Variants in NDST4 observed in about 807,000 individuals in gnomAD.
NDST4 encodes the protein N-deacetylase and N-sulfotransferase 4, also known as N-heparan sulfate sulfotransferase 4.
NDST4 carries 63 observed loss-of-function variants against 100.8 expected under a neutral mutation model. The ratio of observed to expected loss-of-function variants is 0.62; its 90% CI spans 0.51 to 0.77. The LOEUF is 0.77. Among genes scored for constraint, NDST4 ranks in the 30% least tolerant of loss-of-function variants. The pLI is 0.00. For synonymous variants in NDST4, 377 were observed against 361.8 expected, an observed-to-expected ratio of 1.04 and a Z score of -0.48; for missense variants, 943 against 1,018.4, an observed-to-expected ratio of 0.93 and a Z score of 1.01.
chr4:114,954,507 A>G (rs975351488), intron 4 of NDST4, among the ~76,000 whole-genome samples: 8 of 152,176 alleles, frequency 5.3e-5, no homozygotes, highest in African/African-American at 1.9e-4. Flanking sequence ...GAAGCAAGGA[A>G]AAGAGGAAAT....
chr4:114,928,224 G>A (rs769261528), intron 6 of NDST4, among the ~76,000 whole-genome samples: 1 of 152,202 alleles, frequency 6.6e-6, no homozygotes, highest in African/African-American at 2.4e-5. Context: ...GAATGGAACA[G>A]AGAAGCTGGC....
chr4:115,080,671 T>C (rs1729281873), intron 1 of NDST4, among the ~76,000 whole-genome samples: 1 of 150,922 alleles, frequency 6.6e-6, no homozygotes, highest in South Asian at 2.1e-4. Context: ...AAGATACATA[T>C]ATACATATAT....
At chr4:114,833,147 G>A (rs28420758) in intron 12 of NDST4, among the ~76,000 whole-genome samples, 4,682 of 152,218 alleles carry the variant, frequency 0.031, 247 homozygotes, top group African/African-American at 0.11. Context: ...AGCTGGAACA[G>A]TATACATGAT....
At chr4:114,865,659 C>T (rs1429612985) in intron 7 of NDST4, among the ~76,000 whole-genome samples, 1 of 151,872 alleles carries the variant, frequency 6.6e-6, no homozygotes, top group Non-Finnish European at 1.5e-5. Flanking sequence ...AAAGTATTGC[C>T]ACTTTATTTT....
chr4:115,070,849 A>C (rs182406432), intron 2 of NDST4, among the ~76,000 whole-genome samples: 38 of 152,278 alleles, frequency 2.5e-4, no homozygotes, highest in African/African-American at 8.9e-4. Context: ...TCATGCCTGT[A>C]ATCCCAGCAA....
intron 6 of NDST4, among the ~76,000 whole-genome samples, chr4:114,899,146 T>C (rs1724780667): frequency 6.6e-6 from 1 of 152,064 alleles, no homozygotes; most frequent in South Asian, 2.1e-4. Flanking sequence ...CAACATTAAG[T>C]ATGATGTTAG....
intron 6 of NDST4, among the ~76,000 whole-genome samples, chr4:114,876,155 A>G (rs1724250456): frequency 6.6e-6 from 1 of 152,174 alleles, no homozygotes. Context: ...GTTTTAGGGC[A>G]GCTTGCTTTG....
intron 2 of NDST4, among the ~76,000 whole-genome samples, chr4:114,978,470 C>G (rs17486843): frequency 0.051 from 7,682 of 151,942 alleles, 212 homozygotes; most frequent in Non-Finnish European, 0.066. Flanking sequence ...TTATCATGTT[C>G]AACATTATTA....
At chr4:114,848,470 A>T (rs1361984789) in intron 8 of NDST4, 132 bp from the exon 9 acceptor site, 2 of 668,736 alleles carry the variant, frequency 3.0e-6, no homozygotes, top group Admixed American at 3.2e-5. Flanking sequence ...CCTTAAAATC[A>T]ACTAGATGCA....
intron 10 of NDST4, among the ~76,000 whole-genome samples, chr4:114,841,418 GC>G (rs1723420582): frequency 1.3e-5 from 2 of 152,216 alleles, no homozygotes; most frequent in Middle Eastern, 6.8e-3. Context: ...GCAGTGTGGG[GC>G]CCTGCTCACT....
chr4:115,003,163 G>A (rs1442481265), intron 2 of NDST4, among the ~76,000 whole-genome samples: 1 of 152,080 alleles, frequency 6.6e-6, no homozygotes, highest in African/African-American at 2.4e-5. Flanking sequence ...AGGTTGATGG[G>A]TGCAGCAAAG....
In NDST4 at chr4:115,004,080, T is replaced by C. The variant is rs1353425824; in HGVS notation, c.979-26806A>G. 2.0e-5 allele frequency among the ~76,000 whole-genome samples: 3 copies of C among 152,204 alleles called. No individual in the cohort carries two copies. In the East Asian group the frequency reaches 5.8e-4, roughly 29 times the overall value. On this transcript the variant is annotated intron_variant, in intron 2 of 13. Coordinates refer to ENST00000264363, the MANE Select transcript of NDST4 (RefSeq NM_022569.3). ...ATTGACATGTGGCCTCCTTTACTTA[T>C]AGAAATAAGAAATTTCCTGCTCTTT...
intron 7 of NDST4, among the ~76,000 whole-genome samples, chr4:114,856,134 C>T (rs911104720): frequency 7.2e-5 from 11 of 151,940 alleles, no homozygotes; most frequent in Non-Finnish European, 1.5e-5. Flanking sequence ...GCCAACTCGG[C>T]TCACTGCAAC....
At chr4:115,108,825 TACTC>T (rs1729883465) in intron 1 of NDST4, among the ~76,000 whole-genome samples, 1 of 151,972 alleles carries the variant, frequency 6.6e-6, no homozygotes. Context: ...TTTCCCCACT[TACTC>T]TGTGTTCAAA....
intron 2 of NDST4, among the ~76,000 whole-genome samples, chr4:115,063,458 T>TA (rs1412256183): frequency 1.3e-5 from 2 of 151,998 alleles, no homozygotes; most frequent in Non-Finnish European, 2.9e-5. Context: ...TTTTCCATGA[T>TA]AATTTAATTT....
At chr4:115,002,382 G>T (rs1727310280) in intron 2 of NDST4, among the ~76,000 whole-genome samples, 1 of 152,124 alleles carries the variant, frequency 6.6e-6, no homozygotes, top group Non-Finnish European at 1.5e-5. Flanking sequence ...GTTCCTTGTA[G>T]ATTCTGGATA....
chr4:115,067,184 C>T (rs1465322058), intron 2 of NDST4, among the ~76,000 whole-genome samples: 1 of 152,090 alleles, frequency 6.6e-6, no homozygotes, highest in Non-Finnish European at 1.5e-5. Flanking sequence ...ACTGGCTGGG[C>T]CATCCACCCA....
At chr4:114,829,281 G>A (rs73848466) in intron 13 of NDST4, among the ~76,000 whole-genome samples, 240 of 151,136 alleles carry the variant, frequency 1.6e-3, no homozygotes, top group African/African-American at 5.7e-3. Context: ...TTCTGGTTTC[G>A]TTTGTCATTG....
intron 4 of NDST4, among the ~76,000 whole-genome samples, chr4:114,943,991 G>C (rs1725807427): frequency 6.6e-6 from 1 of 152,172 alleles, no homozygotes; most frequent in African/African-American, 2.4e-5. Context: ...CCACAAGCTT[G>C]AGTCAAGTAT....
Sources: allele counts gnomAD v4.1 joint callset (sites outside exome capture counted in the v4.1 genomes callset), GRCh38; gene constraint gnomAD v4.1.1; transcripts MANE v1.5; gene names NCBI Gene and HGNC (gene_info 2026-07-23, HGNC 2026-07-21).